The following C10orf67 variants were observed in gnomAD, a reference collection of about 807,000 sequenced individuals.
The protein encoded by C10orf67 is uncharacterized protein C10orf67, mitochondrial.
C10orf67 carries 60 observed loss-of-function variants against 35.6 expected under a neutral mutation model. That is an observed-to-expected ratio of 1.68 (90% CI 1.37 to 2.09). C10orf67 has a LOEUF of 2.09. C10orf67 is among the 30% of genes most tolerant of loss of function. The pLI, the probability that C10orf67 is intolerant of heterozygous loss-of-function variation, is 0.00. For synonymous variants in C10orf67, 167 were observed against 115.8 expected (o/e 1.44, Z -2.84); for missense variants, 474 against 330.2 (o/e 1.44, Z -3.38).
At chr10:23,322,278 C>G (rs1443576451) in intron 3 of C10orf67, 116 bp downstream of exon 3, 15 of 1,099,584 alleles carry the variant, frequency 1.4e-5, no homozygotes, top group Non-Finnish European at 1.9e-5. Context: ...CCACATGAGA[C>G]ACAACTAATG....
chr10:23,290,537 T>C (rs1283206437), intron 6 of C10orf67, among the ~76,000 whole-genome samples: 1 of 152,210 alleles, frequency 6.6e-6, no homozygotes, highest in Non-Finnish European at 1.5e-5. Context: ...CAATCTCACC[T>C]TGGTGATTAT....
intron 4 of C10orf67, among the ~76,000 whole-genome samples, chr10:23,308,369 C>T (rs1471963757): frequency 1.3e-5 from 2 of 152,188 alleles, no homozygotes; most frequent in Admixed American, 1.3e-4. Context: ...TTCTAAAATA[C>T]AGCTCTCCCC....
chr10:23,265,793 G>A (rs1842870208), intron 10 of C10orf67, among the ~76,000 whole-genome samples: 1 of 152,158 alleles, frequency 6.6e-6, no homozygotes, highest in Non-Finnish European at 1.5e-5. Context: ...GTGATGATCT[G>A]GGGAAAGGTA....
chr10:23,248,443 G>A (rs374766522), intron 12 of C10orf67, among the ~76,000 whole-genome samples: 65 of 152,104 alleles, frequency 4.3e-4, no homozygotes, highest in Admixed American at 8.5e-4. Context: ...ATAAGAACTC[G>A]GCAGAGATGG....
At chr10:23,212,164 G>A (rs1841326784) in intron 15 of C10orf67, among the ~76,000 whole-genome samples, 5 of 152,178 alleles carry the variant, frequency 3.3e-5, no homozygotes, top group African/African-American at 1.2e-4. Flanking sequence ...CAGGGAGAAT[G>A]TCATCTACAG....
intron 13 of C10orf67, among the ~76,000 whole-genome samples, chr10:23,224,034 G>A (rs1261007855): frequency 6.6e-6 from 1 of 152,110 alleles, no homozygotes; most frequent in Non-Finnish European, 1.5e-5. Context: ...TTAAGAAAAC[G>A]ATTTTCCTTA....
chr10:23,331,854 C>A (rs935538897), intron 2 of C10orf67, among the ~76,000 whole-genome samples: 1 of 151,994 alleles, frequency 6.6e-6, no homozygotes, highest in Admixed American at 6.6e-5. Flanking sequence ...CTGACCAGAA[C>A]GTGGTCATTT....
chr10:23,239,205 T>C (rs1357746374), intron 13 of C10orf67, among the ~76,000 whole-genome samples: 1 of 152,208 alleles, frequency 6.6e-6, no homozygotes, highest in African/African-American at 2.4e-5. Flanking sequence ...ATCAATTACC[T>C]TAACATTTAG....
intron 1 of C10orf67, among the ~76,000 whole-genome samples, chr10:23,338,566 G>C (rs11013402): frequency 6.6e-6 from 1 of 152,066 alleles, no homozygotes; most frequent in Non-Finnish European, 1.5e-5. Flanking sequence ...CCATCATCAC[G>C]GTATTCTCAC....
intron 8 of C10orf67, among the ~76,000 whole-genome samples, chr10:23,269,601 A>G (rs1359856586): frequency 6.6e-6 from 1 of 152,218 alleles, no homozygotes; most frequent in Non-Finnish European, 1.5e-5. Context: ...AGAAATGGCT[A>G]GGATGTATTC....
Position 23,320,804 on chromosome 10 carries a change from C to T in C10orf67, c.483G>A (p.Lys161=), listed in dbSNP as rs769817249. ...ACTGCTGATTGAAGGATTTTCTCAT[C>T]TTATCCTCATTCTGCAAACAAAAAT... The part of the protein sequence containing the change: ...IEKHYQQNED[K]MRKSFNQQLA... The change falls in exon 4 of 16, where the codon AAG becomes AAA. Residue 161 remains lysine, a synonymous_variant. Transcript: ENST00000636213. 6.3e-7 allele frequency: 1 copy of T among 1,581,200 alleles called. No individual in the cohort carries two copies. The highest frequency in any genetic ancestry group is 8.6e-7 in the Non-Finnish European group (1 of 1,161,952).
intron 12 of C10orf67, among the ~76,000 whole-genome samples, chr10:23,245,738 C>T (rs1842300511): frequency 2.0e-5 from 3 of 152,174 alleles, no homozygotes; most frequent in South Asian, 4.1e-4. Flanking sequence ...AAAGGGAACC[C>T]TTGCACACTG....
At chr10:23,326,385 T>C (rs542623138) in intron 2 of C10orf67, among the ~76,000 whole-genome samples, 2 of 152,240 alleles carry the variant, frequency 1.3e-5, no homozygotes, top group Admixed American at 1.3e-4. Flanking sequence ...AATTGTAAAG[T>C]GAGAAAACAA....
intron 8 of C10orf67, among the ~76,000 whole-genome samples, chr10:23,276,347 C>T (rs184528497): frequency 7.7e-4 from 117 of 152,248 alleles, no homozygotes; most frequent in Middle Eastern, 6.8e-3. Context: ...TGAAGACCTG[C>T]AGGACTCCTA....
chr10:23,287,134 T>A (rs1451118218), intron 7 of C10orf67, among the ~76,000 whole-genome samples: 1 of 152,204 alleles, frequency 6.6e-6, no homozygotes. Flanking sequence ...ATTTTAAATT[T>A]CATATGGAAT....
At chr10:23,305,443 G>C (rs891583245) in intron 4 of C10orf67, among the ~76,000 whole-genome samples, 9 of 152,160 alleles carry the variant, frequency 5.9e-5, no homozygotes, top group Non-Finnish European at 1.0e-4. Flanking sequence ...TTTGGGACCA[G>C]CCTGAGCAAC....
In C10orf67 at chr10:23,204,070, A is replaced by G. The variant is rs1397290808; in HGVS notation, c.*103T>C. On this transcript the variant is annotated 3_prime_UTR_variant, in exon 16 of 16. Transcript: ENST00000636213. ...GGAGAGATTAAACAATTAGTTTAGA[A>G]AATCCTTGGAGATAGTATCCTTTCC... The G allele has an allele frequency of 9.1e-6, 4 of 437,416 alleles. No individual in the cohort carries two copies. In the East Asian group the frequency reaches 1.4e-4, roughly 15 times the overall value. The allele number at this position is 437,416 out of a possible 1,614,324, so 27.1% of individuals were successfully genotyped here. A position where few individuals can be genotyped will look rare whatever the true frequency, so the allele number is the denominator to read the frequency against.
chr10:23,249,454 T>C (rs940473530), intron 12 of C10orf67, among the ~76,000 whole-genome samples: 5 of 152,200 alleles, frequency 3.3e-5, no homozygotes, highest in Admixed American at 1.3e-4. Flanking sequence ...TATCAGCACA[T>C]ACACGAAACA....
chr10:23,229,420 C>G (rs903165016), intron 13 of C10orf67, among the ~76,000 whole-genome samples: 1 of 120,622 alleles, frequency 8.3e-6, no homozygotes, highest in Non-Finnish European at 1.6e-5. Flanking sequence ...ACATCATACA[C>G]CGAGGCCTGT....
Sources: allele counts gnomAD v4.1 joint callset (sites outside exome capture counted in the v4.1 genomes callset), GRCh38; gene constraint gnomAD v4.1.1; transcripts MANE v1.5; gene names NCBI Gene and HGNC (gene_info 2026-07-23, HGNC 2026-07-21).